The following CBFB variants were observed in gnomAD, a reference collection of about 807,000 sequenced individuals.
CBFB encodes the protein CBF-beta.
CBFB carries 9 observed loss-of-function variants against 30.4 expected under a neutral mutation model. That is an observed-to-expected ratio of 0.30 (90% confidence interval 0.18 to 0.52). The LOEUF is 0.52. CBFB is among the 20% of genes least tolerant of loss of function. CBFB has a pLI of 0.97. For missense variants in CBFB, 170 were observed against 244.0 expected (o/e 0.70, Z 2.02); for synonymous variants, 94 against 84.0 (o/e 1.12, Z -0.65).
chr16:67,065,181 C>A (rs1345503479), intron 3 of CBFB, among the ~76,000 whole-genome samples: 2 of 152,000 alleles, frequency 1.3e-5, no homozygotes, highest in African/African-American at 4.8e-5. Context: ...TTACAGGCAT[C>A]AGCCACCGCG....
At chr16:67,046,876 T>C (rs1966636027) in intron 3 of CBFB, among the ~76,000 whole-genome samples, 1 of 152,208 alleles carries the variant, frequency 6.6e-6, no homozygotes, top group South Asian at 2.1e-4. Context: ...AGTATAATAG[T>C]GATATGGTAG....
At chr16:67,075,547 C>CAT (rs528574993) in intron 4 of CBFB, among the ~76,000 whole-genome samples, 5 of 150,030 alleles carry the variant, frequency 3.3e-5, no homozygotes, top group Non-Finnish European at 7.4e-5. Flanking sequence ...GCTGCGCATG[C>CAT]ATATATGTGT....
intron 5 of CBFB, among the ~76,000 whole-genome samples, chr16:67,088,557 G>A (rs1222943041): frequency 1.3e-5 from 2 of 152,090 alleles, no homozygotes; most frequent in African/African-American, 2.4e-5. Context: ...CACACCACCC[G>A]TAAAGATGCT....
At chr16:67,049,530 T>C (rs1966701805) in intron 3 of CBFB, among the ~76,000 whole-genome samples, 1 of 152,138 alleles carries the variant, frequency 6.6e-6, no homozygotes, top group Non-Finnish European at 1.5e-5. Flanking sequence ...AGACAGACTC[T>C]GTCTCCCAAG....
intron 3 of CBFB, among the ~76,000 whole-genome samples, chr16:67,049,166 T>A (rs1173226470): frequency 6.6e-6 from 1 of 151,190 alleles, no homozygotes; most frequent in Non-Finnish European, 1.5e-5. Context: ...ATTATGTAAT[T>A]TGTGAGTATT....
At chr16:67,039,254 C>T (rs565991574) in intron 3 of CBFB, among the ~76,000 whole-genome samples, 3 of 152,230 alleles carry the variant, frequency 2.0e-5, no homozygotes, top group Admixed American at 6.5e-5. Flanking sequence ...TCAACTGTAA[C>T]ACAATTTGGT....
At chr16:67,077,850 T>C (rs1279211687) in intron 4 of CBFB, among the ~76,000 whole-genome samples, 2 of 152,244 alleles carry the variant, frequency 1.3e-5, no homozygotes, top group Non-Finnish European at 2.9e-5. Context: ...CTGTGTATGC[T>C]CTATGACAGA....
intron 2 of CBFB, among the ~76,000 whole-genome samples, chr16:67,034,625 ATCTCT>A (rs1265958441): frequency 6.6e-6 from 1 of 152,202 alleles, no homozygotes; most frequent in East Asian, 1.9e-4. Context: ...GAAGCAGGAA[ATCTCT>A]TCTGAGGTTG....
chr16:67,072,438 G>C (rs981060778), intron 4 of CBFB, among the ~76,000 whole-genome samples: 1 of 151,644 alleles, frequency 6.6e-6, no homozygotes, highest in African/African-American at 2.4e-5. Context: ...AGAATATATA[G>C]ATTTTTCAAT....
intron 4 of CBFB, among the ~76,000 whole-genome samples, chr16:67,074,952 G>A (rs554345239): frequency 6.6e-6 from 1 of 152,176 alleles, no homozygotes; most frequent in African/African-American, 2.4e-5. Flanking sequence ...CAACACTTTG[G>A]GTGGCCAAGG....
intron 3 of CBFB, among the ~76,000 whole-genome samples, chr16:67,059,521 G>A (rs1960829538): frequency 1.3e-5 from 2 of 152,166 alleles, no homozygotes; most frequent in African/African-American, 2.4e-5. Flanking sequence ...TTTGCGCAGC[G>A]ACGTTTCTGG....
At chr16:67,048,410 C>T (rs1445903517) in intron 3 of CBFB, among the ~76,000 whole-genome samples, 1 of 152,120 alleles carries the variant, frequency 6.6e-6, no homozygotes, top group African/African-American at 2.4e-5. Context: ...CTTTTTGGTT[C>T]TTCCTGACAC....
chr16:67,068,855 C>T (rs1441302506), intron 4 of CBFB, among the ~76,000 whole-genome samples: 1 of 152,062 alleles, frequency 6.6e-6, no homozygotes, highest in East Asian at 1.9e-4. Context: ...ATTATGATGG[C>T]AGTGACTAAT....
chr16:67,078,637 TTAA>T (rs1284936111), intron 4 of CBFB, among the ~76,000 whole-genome samples: 1 of 152,168 alleles, frequency 6.6e-6, no homozygotes, highest in Non-Finnish European at 1.5e-5. Flanking sequence ...GCTGCAAATA[TTAA>T]TAATGATACT....
At chr16:67,091,111 C>CA (rs1961866861) in intron 5 of CBFB, among the ~76,000 whole-genome samples, 1 of 152,108 alleles carries the variant, frequency 6.6e-6, no homozygotes, top group South Asian at 2.1e-4. Context: ...AGTATGAACT[C>CA]AGACTGAGAA....
intron 5 of CBFB, 107 bp from the exon 6 acceptor site, chr16:67,098,601 CTT>C (rs1327232653): frequency 9.7e-6 from 6 of 619,674 alleles, no homozygotes; most frequent in African/African-American, 3.8e-5. Flanking sequence ...TGGCTGAAAA[CTT>C]TTTAGTTATG....
chr16:67,072,581 C>T (rs189630110), intron 4 of CBFB, among the ~76,000 whole-genome samples: 1 of 152,142 alleles, frequency 6.6e-6, no homozygotes, highest in East Asian at 1.9e-4. Context: ...ATTCTCCTGC[C>T]TCAGCCTCCT....
At chr16:67,086,851 T>C (rs987576141) in intron 5 of CBFB, among the ~76,000 whole-genome samples, 6 of 152,124 alleles carry the variant, frequency 3.9e-5, no homozygotes, top group Admixed American at 2.6e-4. Context: ...CAGTGTACTT[T>C]AGCAACCACC....
At chr16:67,048,083 T>A (rs934726571) in intron 3 of CBFB, among the ~76,000 whole-genome samples, 1 of 150,792 alleles carries the variant, frequency 6.6e-6, no homozygotes, top group African/African-American at 2.4e-5. Flanking sequence ...AAAATAAAAA[T>A]GCAGAAATTG....
Sources: allele counts gnomAD v4.1 joint callset (sites outside exome capture counted in the v4.1 genomes callset), GRCh38; gene constraint gnomAD v4.1.1; transcripts MANE v1.5; gene names NCBI Gene and HGNC (gene_info 2026-07-23, HGNC 2026-07-21).